The following DYSF variants were observed in gnomAD, a reference collection of about 807,000 sequenced individuals.
DYSF encodes dysferlin, also known as dystrophy-associated fer-1-like 1.
Under a neutral mutation model 274.9 loss-of-function variants are expected in DYSF, and 212 were observed. The observed-to-expected ratio is 0.77, with a 90% CI of 0.69 to 0.86. The LOEUF (loss-of-function observed/expected upper bound fraction) is 0.86. Ranked by LOEUF, DYSF falls within the 40% of genes least tolerant of loss-of-function variation. The pLI is 0.00. For missense variants in DYSF, 2,666 were observed against 2,783.2 expected, an observed-to-expected ratio of 0.96 and a Z score of 0.95; for synonymous variants, 1,091 against 1,078.7, an observed-to-expected ratio of 1.01 and a Z score of -0.22.
intron 55 of DYSF, among the ~76,000 whole-genome samples, chr2:71,683,744 A>G (rs2095324074): frequency 6.6e-6 from 1 of 152,324 alleles, no homozygotes; most frequent in Non-Finnish European, 1.5e-5. Context: ...GGCCCAGAGC[A>G]TTGATCCCAT....
At position 71,615,769 on chromosome 2, in the gene DYSF, T is replaced by C. The variant is rs1408910243; in HGVS notation, c.4464+2359T>C. On this transcript the variant is annotated intron_variant, in intron 40 of 55. Coordinates refer to ENST00000410020, the MANE Select transcript of DYSF (RefSeq NM_001130987.2). This position sits in a 1 kb window ranked among gnomAD's most constrained non-coding sequence, Gnocchi z 4.9. ...CCTCTCCCTCCTTCCCCAGTGCAGATAGCATGAAGGGCCCTGGCTTCTGGG... is the reference window on the plus strand; with the variant it reads ...CCTCTCCCTCCTTCCCCAGTGCAGACAGCATGAAGGGCCCTGGCTTCTGGG... Among the ~76,000 whole-genome samples the C allele has an allele frequency of 6.6e-6, 1 of 152,146 alleles. No homozygotes were observed. Among genetic ancestry groups the C allele is most frequent in the Non-Finnish European group, 1.5e-5 (1 of 68,020 alleles).
At chr2:71,537,943 T>C (rs944604739) in intron 16 of DYSF, among the ~76,000 whole-genome samples, 7 of 152,312 alleles carry the variant, frequency 4.6e-5, no homozygotes, top group Middle Eastern at 3.4e-3. Context: ...AGTGTCTGCA[T>C]CATTGGCATT....
Position 71,520,959 on chromosome 2 carries a change from G to A in DYSF, c.1149+55G>A, listed in dbSNP as rs114530749. ...GGTCCCCCACGCGGCACTTGGTTGC[G>A]GAGGCACCAAACCACAAACAAAAAC... On this transcript the variant is annotated intron_variant, in intron 12 of 55. Coordinates refer to ENST00000410020, the MANE Select transcript of DYSF (RefSeq NM_001130987.2). 1,253 of 1,486,268 alleles carry A rather than the reference G, an allele frequency of 8.4e-4. 10 individuals carry two copies. The African/African-American group carries it at 0.015, about 18-fold the overall frequency. The allele number at this position is 1,486,268 out of a possible 1,614,324, so 92.1% of individuals were successfully genotyped here. A position where few individuals can be genotyped will look rare whatever the true frequency, so the allele number is the denominator to read the frequency against.
In DYSF at chr2:71,651,803, A is replaced by G. The variant is rs569881668; in HGVS notation, c.4627-4359A>G. ...TAACTAATATTAAAATAATGTCATGATAACCGAATTTGCTTCATTCCAGGA... is the reference window on the plus strand; with the variant it reads ...TAACTAATATTAAAATAATGTCATGGTAACCGAATTTGCTTCATTCCAGGA... On this transcript the variant is annotated intron_variant, in intron 42 of 55. Coordinates refer to ENST00000410020, the MANE Select transcript of DYSF (RefSeq NM_001130987.2). Among the ~76,000 whole-genome samples, 10 of 152,322 alleles carry G rather than the reference A, an allele frequency of 6.6e-5. No homozygotes were observed. In the South Asian group the frequency reaches 1.4e-3, roughly 22 times the overall value.
intron 51 of DYSF, among the ~76,000 whole-genome samples, chr2:71,671,551 T>C (rs2095122158): frequency 6.6e-6 from 1 of 151,900 alleles, no homozygotes. Flanking sequence ...CAGGTGGAGA[T>C]GTGGATTAGG....
chr2:71,630,043 CTCT>C (rs553758963), intron 41 of DYSF, among the ~76,000 whole-genome samples: 53 of 152,342 alleles, frequency 3.5e-4, no homozygotes, highest in African/African-American at 1.2e-3. Flanking sequence ...CTTCAGATCG[CTCT>C]TCTTCTTTTG....
At chr2:71,651,757 GAAATAATAGC>G (rs1251273863) in intron 42 of DYSF, among the ~76,000 whole-genome samples, 1 of 152,030 alleles carries the variant, frequency 6.6e-6, no homozygotes, top group Non-Finnish European at 1.5e-5. Context: ...AAATCTTAGA[GAAATAATAGC>G]AAATGAAACC....
At chr2:71,507,747 C>T (rs1310168175) in intron 4 of DYSF, among the ~76,000 whole-genome samples, 1 of 152,238 alleles carries the variant, frequency 6.6e-6, no homozygotes, top group African/African-American at 2.4e-5. Flanking sequence ...AAACAAACAC[C>T]CCCCACAGGC....
intron 16 of DYSF, 79 bp from the exon 17 acceptor site, chr2:71,539,078 G>A (rs2089665756): frequency 1.9e-5 from 25 of 1,309,232 alleles, no homozygotes; most frequent in Middle Eastern, 4.2e-4. Context: ...ATGTGTAACC[G>A]AGGCCGCATA....
chr2:71,567,948 C>A lies in DYSF; in HGVS notation c.2566-3C>A. 1 of 1,614,108 alleles carries A rather than the reference C, an allele frequency of 6.2e-7. No homozygotes were observed. The highest frequency in any genetic ancestry group is 8.5e-7 in the Non-Finnish European group (1 of 1,180,010). On this transcript the variant is annotated splice_polypyrimidine_tract_variant and splice_region_variant and intron_variant, in intron 24 of 55. Transcript: ENST00000410020. Reference sequence around the variant, plus strand: ...TGGGTTTCTGTCCTTCTCTGGTACCCAGTATCCGATGGAGAAGGTGCCTGG... The same window carrying A: ...TGGGTTTCTGTCCTTCTCTGGTACCAAGTATCCGATGGAGAAGGTGCCTGG...
intron 10 of DYSF, among the ~76,000 whole-genome samples, chr2:71,519,478 T>G (rs2086998798): frequency 6.6e-6 from 1 of 152,142 alleles, no homozygotes; most frequent in Non-Finnish European, 1.5e-5. Flanking sequence ...ATATACTCCC[T>G]GCCCCCTGCC....
At chr2:71,669,578 C>G in intron 50 of DYSF, 27 bp from the exon 51 acceptor site, 1 of 1,614,074 alleles carries the variant, frequency 6.2e-7, no homozygotes, top group Non-Finnish European at 8.5e-7. Flanking sequence ...TTAATGAGAA[C>G]TATTCTCTAA....
chr2:71,492,815 T>C (rs904882510), intron 3 of DYSF, among the ~76,000 whole-genome samples: 1 of 151,388 alleles, frequency 6.6e-6, no homozygotes, highest in African/African-American at 2.4e-5. Flanking sequence ...TATTTCAGTG[T>C]ATATTTCTTA....
At chr2:71,619,518 C>A (rs909161999) in intron 40 of DYSF, among the ~76,000 whole-genome samples, 1 of 152,150 alleles carries the variant, frequency 6.6e-6, no homozygotes, top group Non-Finnish European at 1.5e-5. Context: ...CCAGGATCTT[C>A]CTGTTGAGGA....
intron 36 of DYSF, among the ~76,000 whole-genome samples, chr2:71,603,802 C>G (rs1558592962): frequency 6.6e-6 from 1 of 152,056 alleles, no homozygotes; most frequent in Non-Finnish European, 1.5e-5. Context: ...CACTTTGTGG[C>G]CAAAACCCAC....
chr2:71,611,217 T>C (rs999965001), intron 36 of DYSF, 28 bp from the exon 37 acceptor site: 3 of 1,549,788 alleles, frequency 1.9e-6, no homozygotes, highest in African/African-American at 1.4e-5. Flanking sequence ...TCCACCTTTG[T>C]CTCCATTCTA....
In DYSF at chr2:71,513,972, C is replaced by T. The variant is rs79396630; in HGVS notation, c.759+51C>T. 62,125 of 1,606,826 alleles carry T rather than the reference C, an allele frequency of 0.039. 1,399 individuals are homozygous for T. Among genetic ancestry groups the T allele is most frequent in the Non-Finnish European group, 0.042 (49,183 of 1,174,494 alleles). On this transcript the variant is annotated intron_variant, in intron 7 of 55. Coordinates refer to ENST00000410020, the MANE Select transcript of DYSF (RefSeq NM_001130987.2). Reference sequence around the variant, plus strand: ...CAGGCTCCTCTTCAGCCATCAGCTGCGGGTGCCAGGCACCTGCCTGGTTTG... The same window carrying T: ...CAGGCTCCTCTTCAGCCATCAGCTGTGGGTGCCAGGCACCTGCCTGGTTTG...
At chr2:71,618,632 T>TGTGGAG (rs2094007439) in intron 40 of DYSF, among the ~76,000 whole-genome samples, 5 of 106,664 alleles carry the variant, frequency 4.7e-5, no homozygotes, top group East Asian at 3.2e-4. Flanking sequence ...GGTGTGTGTG[T>TGTGGAG]TACAGGAGGT....
intron 14 of DYSF, among the ~76,000 whole-genome samples, chr2:71,532,830 T>TTCTATCTA (rs61396446): frequency 0.1 from 14,993 of 147,426 alleles, 796 homozygotes; most frequent in East Asian, 0.14. Flanking sequence ...AGTACATTTA[T>TTCTATCTA]TCTATCTATC....
Sources: allele counts gnomAD v4.1 joint callset (sites outside exome capture counted in the v4.1 genomes callset), GRCh38; gene constraint gnomAD v4.1.1; non-coding constraint Gnocchi (gnomAD v3.1); transcripts MANE v1.5; gene names NCBI Gene and HGNC (gene_info 2026-07-23, HGNC 2026-07-21).